The following DYNC2I1 variants were observed in gnomAD, a reference collection of about 807,000 sequenced individuals.
DYNC2I1 encodes the protein cytoplasmic dynein 2 intermediate chain 1.
DYNC2I1 carries 89 observed loss-of-function variants against 133.4 expected under a neutral mutation model. The observed-to-expected ratio is 0.67, with a 90% confidence interval of 0.56 to 0.80. The LOEUF (loss-of-function observed/expected upper bound fraction) is 0.80, where lower values mean the gene tolerates loss of function less well. DYNC2I1 is among the 30% of genes least tolerant of loss of function. The probability of loss-of-function intolerance (pLI) is 0.00; values close to 1 mark genes in which losing one functional copy is unlikely to be tolerated. For missense variants in DYNC2I1, 1,291 were observed against 1,314.5 expected (o/e 0.98, Z 0.28); for synonymous variants, 504 against 484.3 (o/e 1.04, Z -0.54).
intron 8 of DYNC2I1, among the ~76,000 whole-genome samples, chr7:158,900,217 G>C (rs982060782): frequency 3.3e-5 from 5 of 151,686 alleles, no homozygotes; most frequent in African/African-American, 1.2e-4. Context: ...TGCCTCCCAG[G>C]TTCAAGTGAT....
intron 10 of DYNC2I1, among the ~76,000 whole-genome samples, 161 bp from the exon 11 acceptor site, chr7:158,905,826 CAA>C (rs1226577155): frequency 6.6e-6 from 1 of 152,134 alleles, no homozygotes; most frequent in Non-Finnish European, 1.5e-5. Flanking sequence ...ATGAAATAAT[CAA>C]GAGAGGTCTC....
At chr7:158,869,751 A>G in intron 1 of DYNC2I1, 104 bp from the exon 2 acceptor site, 1 of 821,370 alleles carries the variant, frequency 1.2e-6, no homozygotes, top group Non-Finnish European at 1.9e-6. Context: ...TGGCATGTCA[A>G]GAATTAACTG....
At chr7:158,850,939 C>T in the DYNC2I1 span, among the ~76,000 whole-genome samples, 1 of 151,644 alleles carries the variant, frequency 6.6e-6, no homozygotes, top group Non-Finnish European at 1.5e-5. Flanking sequence ...TGAGAAATAG[C>T]TCTCATCTAA....
chr7:158,866,492 T>A (rs1475261457), intron 1 of DYNC2I1, among the ~76,000 whole-genome samples: 1 of 152,022 alleles, frequency 6.6e-6, no homozygotes, highest in Non-Finnish European at 1.5e-5. Context: ...TCCCCGAGTA[T>A]CCTGGGCGTC....
intron 9 of DYNC2I1, 54 bp from the exon 10 acceptor site, chr7:158,902,322 T>C: frequency 6.8e-7 from 1 of 1,464,304 alleles, no homozygotes; most frequent in East Asian, 2.3e-5. Context: ...GTATGAGGGA[T>C]AATTGAAAGT....
intron 5 of DYNC2I1, among the ~76,000 whole-genome samples, chr7:158,880,982 C>T (rs541061248): frequency 2.5e-4 from 38 of 152,272 alleles, no homozygotes; most frequent in African/African-American, 8.4e-4. Flanking sequence ...TCAGCAGAAG[C>T]GCAGGACCCG....
chr7:158,918,043 A>G (rs542247967), intron 14 of DYNC2I1, among the ~76,000 whole-genome samples: 22 of 151,798 alleles, frequency 1.4e-4, no homozygotes, highest in Non-Finnish European at 2.4e-4. Context: ...CTCTCACTCA[A>G]CATTTCCTGC....
downstream of DYNC2I1, among the ~76,000 whole-genome samples, chr7:158,950,150 G>A (rs1443503414): frequency 6.6e-6 from 1 of 152,156 alleles, no homozygotes; most frequent in Non-Finnish European, 1.5e-5. Context: ...TGCAGCCTCT[G>A]CCTCCCAGGT....
chr7:158,861,741 C>T (rs1170316959), intron 1 of DYNC2I1, among the ~76,000 whole-genome samples: 1 of 152,188 alleles, frequency 6.6e-6, no homozygotes, highest in African/African-American at 2.4e-5. Context: ...TAGAAGCAGC[C>T]TGTGTGGTCA....
chr7:158,871,314 G>T lies in DYNC2I1; in HGVS notation c.242G>T (p.Arg81Leu). Residue 81 changes from arginine to leucine, a missense_variant, in exon 3 of 25, where the codon CGT becomes CTT. Physicochemically the swap from Arg to Leu is moderately radical, Grantham distance 102 (BLOSUM62 -2). Transcript: ENST00000407559. ...AEVHTAKESP[R>L]GERDRDRQRE... The stretch of plus-strand genomic sequence containing the variant: ...GTCCACACCGCTAAGGAGAGTCCTC[G>T]TGGGGAGAGGGACAGAGACAGACAG... The T allele has an allele frequency of 3.8e-6, 6 of 1,565,684 alleles. No homozygotes were observed. The highest frequency in any genetic ancestry group is 1.4e-5 in the African/African-American group (1 of 73,744).
intron 4 of DYNC2I1, among the ~76,000 whole-genome samples, chr7:158,954,009 G>C (rs1852131979): frequency 6.6e-6 from 1 of 152,132 alleles, no homozygotes. Context: ...TTTTCAGAGG[G>C]ATCTGGTGGG....
chr7:158,871,178 C>G lies in DYNC2I1; in HGVS notation c.106C>G (p.His36Asp). 1.2e-6 allele frequency: 2 copies of G among 1,613,590 alleles called. No homozygotes were observed. The highest frequency in any genetic ancestry group is 1.7e-6 in the Non-Finnish European group (2 of 1,179,702). ...QSGGSKEERK[H>D]REKKLRKESE... ...AGGTGGTTCCAAGGAAGAAAGAAAGCACAGAGAGAAGAAGCTGCGTAAGGA... is the reference window on the plus strand; with the variant it reads ...AGGTGGTTCCAAGGAAGAAAGAAAGGACAGAGAGAAGAAGCTGCGTAAGGA... Residue 36 changes from histidine (H) to aspartate (D), a missense_variant, in exon 3 of 25, where the codon CAC becomes GAC. His to Asp is a moderately conservative substitution (Grantham distance 81). Coordinates refer to ENST00000407559, the MANE Select transcript of DYNC2I1 (RefSeq NM_018051.5).
intron 14 of DYNC2I1, among the ~76,000 whole-genome samples, chr7:158,916,774 T>G (rs1471858870): frequency 1.1e-3 from 49 of 44,340 alleles, no homozygotes; most frequent in African/African-American, 3.8e-3. Flanking sequence ...TAAGGATGAT[T>G]GTGAAACGTC....
chr7:158,914,437 TCA>T, intron 14 of DYNC2I1, 116 bp downstream of exon 14: 1 of 756,156 alleles, frequency 1.3e-6, no homozygotes, highest in Non-Finnish European at 2.1e-6. Context: ...TAAATCAGAA[TCA>T]GTTATTCATT....
Position 158,918,919 on chromosome 7 carries a change from A to T in DYNC2I1, c.1921+50A>T, listed in dbSNP as rs746098102. The T allele has an allele frequency of 1.3e-5, 21 of 1,574,910 alleles. No individual in the cohort carries two copies. The Admixed American group carries it at 2.6e-4, about 20-fold the overall frequency. ...TTTTAAATCCAGTGACTAAACATTC[A>T]TGTTGAAATAATACTCTGTAGTATA... On this transcript the variant is annotated intron_variant, in intron 15 of 24. Coordinates refer to ENST00000407559, the MANE Select transcript of DYNC2I1 (RefSeq NM_018051.5).
chr7:158,887,978 A>T (rs967270329), intron 7 of DYNC2I1, among the ~76,000 whole-genome samples: 1 of 151,124 alleles, frequency 6.6e-6, no homozygotes, highest in Admixed American at 6.6e-5. Context: ...TGACTCTAAA[A>T]TAGCACACTG....
intron 23 of DYNC2I1, among the ~76,000 whole-genome samples, chr7:158,937,664 C>G (rs1468089544): frequency 6.9e-6 from 1 of 144,262 alleles, no homozygotes; most frequent in Non-Finnish European, 1.5e-5. Flanking sequence ...GTGGCCCATG[C>G]CTGTAATCCC....
chr7:158,945,782 GGT>G lies in DYNC2I1; in HGVS notation c.*7_*8del, dbSNP rs750185798. On this transcript the variant is annotated 3_prime_UTR_variant, in exon 25 of 25. Coordinates refer to ENST00000407559, the MANE Select transcript of DYNC2I1 (RefSeq NM_018051.5). This position sits in a 1 kb window ranked among gnomAD's most constrained non-coding sequence, Gnocchi z 4.1. ...CAGAGGGAAAACTGCACAAGTAGCG[GGT>G]GTGGCTGAGAGGACCGCGTTTCTGT... The G allele has an allele frequency of 6.5e-7, 1 of 1,542,174 alleles. No homozygotes were observed. Among genetic ancestry groups the G allele is most frequent in the East Asian group, 2.3e-5 (1 of 43,782 alleles).
chr7:158,932,232 T>A (rs1850291889), intron 21 of DYNC2I1, among the ~76,000 whole-genome samples: 1 of 152,040 alleles, frequency 6.6e-6, no homozygotes, highest in South Asian at 2.1e-4. Context: ...GGACGAAGTG[T>A]GCTGTCAGGA....
Sources: allele counts gnomAD v4.1 joint callset (sites outside exome capture counted in the v4.1 genomes callset), GRCh38; gene constraint gnomAD v4.1.1; non-coding constraint Gnocchi (gnomAD v3.1); transcripts MANE v1.5; gene names NCBI Gene and HGNC (gene_info 2026-07-23, HGNC 2026-07-21).